The following GDF10 variants were observed in gnomAD, a reference collection of about 807,000 sequenced individuals.
GDF10 encodes growth/differentiation factor 10.
A neutral mutation model predicts 32.1 loss-of-function variants in GDF10; 23 were observed. The ratio of observed to expected loss-of-function variants is 0.72; its 90% CI spans 0.52 to 1.02. GDF10 has a LOEUF of 1.02. GDF10 is among the 50% of genes least tolerant of loss of function. The pLI is 0.00. For missense variants in GDF10, 764 were observed against 673.9 expected, an observed-to-expected ratio of 1.13 and a Z score of -1.48; for synonymous variants, 328 against 303.1, an observed-to-expected ratio of 1.08 and a Z score of -0.85.
Position 47,300,872 on chromosome 10 carries a change from T to C in GDF10, c.221T>C (p.Met74Thr), listed in dbSNP as rs781931170. The change falls in exon 1 of 3, where the codon ATG (methionine) becomes ACG (threonine). Residue 74 changes from methionine to threonine, a missense_variant. Physicochemically the swap from Met to Thr is moderately conservative, Grantham distance 81 (BLOSUM62 -1). Coordinates refer to ENST00000580279, the MANE Select transcript of GDF10 (RefSeq NM_004962.5). ...AATLGPSAQD[M>T]VAVHMHRLYE... is the part of the protein sequence containing the mutation. ...ACGTTGGGCCCCAGCGCCCAGGACA[T>C]GGTCGCTGTCCACATGCACAGGCTC... The C allele has an allele frequency of 1.0e-5, 16 of 1,588,278 alleles. No individual in the cohort carries two copies. Among genetic ancestry groups the C allele is most frequent in the East Asian group, 9.1e-5 (4 of 44,010 alleles).
In GDF10 at chr10:47,300,649, G is replaced by T; in HGVS notation, c.-3G>T. 2.5e-6 allele frequency: 4 copies of T among 1,590,644 alleles called. No homozygotes were observed. Among genetic ancestry groups the T allele is most frequent in the South Asian group, 1.1e-5 (1 of 88,558 alleles). ...TTCGGCCCTTTGCCGCCCTCACCAC[G>T]CCATGGCTCATGTCCCCGCTCGGAC... On this transcript the variant is annotated 5_prime_UTR_variant, in exon 1 of 3. Transcript: ENST00000580279.
rs1318023775 is a variant in GDF10, at chr10:47,300,539, G to GC, written c.-110dup. 1.2e-5 allele frequency: 12 copies of GC among 975,560 alleles called. No individual in the cohort carries two copies. In the Admixed American group the frequency reaches 2.4e-4, roughly 19 times the overall value. 60.4% of individuals were successfully genotyped at this position (975,560 alleles called of 1,614,324 possible). On this transcript the variant is annotated 5_prime_UTR_variant, in exon 1 of 3. Transcript: ENST00000580279. ...GGACCTCGGTATCCAGCGCCCTGCT[G>GC]CCCGGGCTCTCCCCGCGCGCCCTAC...
intron 1 of GDF10, among the ~76,000 whole-genome samples, chr10:47,304,938 T>C (rs2061017793): frequency 6.6e-6 from 1 of 152,230 alleles, no homozygotes; most frequent in Non-Finnish European, 1.5e-5. Flanking sequence ...TCACTTCTAA[T>C]AGAGAATTTG....
chr10:47,302,824 A>G (rs553093630), intron 1 of GDF10, among the ~76,000 whole-genome samples: 1 of 152,308 alleles, frequency 6.6e-6, no homozygotes, highest in East Asian at 1.9e-4. Flanking sequence ...AGCCTGGGAA[A>G]TCAGGATTCT....
At chr10:47,301,156 T>G (rs1417858592) in intron 1 of GDF10, among the ~76,000 whole-genome samples, 186 bp downstream of exon 1, 5 of 152,000 alleles carry the variant, frequency 3.3e-5, no homozygotes, top group African/African-American at 1.2e-4. Context: ...GCACCAAGAG[T>G]GGCAGCAGGT....
rs782486201 is a variant in GDF10, at chr10:47,310,432, A to G, written c.956A>G (p.His319Arg). 2.5e-6 allele frequency: 4 copies of G among 1,612,990 alleles called. No individual in the cohort carries two copies. The highest frequency in any genetic ancestry group is 1.7e-4 in the Middle Eastern group (1 of 6,060). ...RPPRAHAQHF[H>R]KHQLWPSPFR... is the part of the protein sequence containing the mutation. Reference sequence around the variant, plus strand: ...CCGCGCGCCCACGCACAGCACTTCCACAAGCACCAGCTGTGGCCCAGCCCC... The same window carrying G: ...CCGCGCGCCCACGCACAGCACTTCCGCAAGCACCAGCTGTGGCCCAGCCCC... The change falls in exon 2 of 3, where the codon CAC (histidine) becomes CGC (arginine). Residue 319 changes from histidine (H) to arginine (R), a missense_variant. His to Arg is a conservative substitution (Grantham distance 29, BLOSUM62 0). Coordinates refer to ENST00000580279, the MANE Select transcript of GDF10 (RefSeq NM_004962.5).
At chr10:47,306,961 TG>T (rs1411732616) in intron 1 of GDF10, among the ~76,000 whole-genome samples, 1 of 151,826 alleles carries the variant, frequency 6.6e-6, no homozygotes, top group Non-Finnish European at 1.5e-5. Context: ...TTTGGGGCAA[TG>T]GAGGGCTCCG....
chr10:47,304,357 G>A (rs1411753564), intron 1 of GDF10, among the ~76,000 whole-genome samples: 3 of 150,016 alleles, frequency 2.0e-5, no homozygotes, highest in Non-Finnish European at 3.0e-5. Context: ...AGGAGGGAGA[G>A]AGAGAAGAAT....
rs45441091 is a variant in GDF10 at position 47,300,775 on chromosome 10, G to A, written c.124G>A (p.Ala42Thr). The A allele has an allele frequency of 1.9e-6, 3 of 1,568,448 alleles. No homozygotes were observed. Among genetic ancestry groups the A allele is most frequent in the African/African-American group, 1.4e-5 (1 of 73,518 alleles). Reference sequence around the variant, plus strand: ...CAGCCACAGGGCCCCCGCCTGGTCCGCACTGCCCGCGGCCGCCGACGGCCT... The same window carrying A: ...CAGCCACAGGGCCCCCGCCTGGTCCACACTGCCCGCGGCCGCCGACGGCCT... ...AGSHRAPAWSALPAAADGLQG... is the reference protein window; with the variant it reads ...AGSHRAPAWSTLPAAADGLQG... Residue 42 changes from alanine (A) to threonine (T), a missense_variant, in exon 1 of 3, where the codon GCA becomes ACA. Physicochemically the swap from Ala to Thr is moderately conservative, Grantham distance 58 (BLOSUM62 0). Transcript: ENST00000580279.
chr10:47,312,299 A>C (rs1442805074), intron 2 of GDF10, among the ~76,000 whole-genome samples: 1 of 152,038 alleles, frequency 6.6e-6, no homozygotes, highest in Non-Finnish European at 1.5e-5. Flanking sequence ...GATGTGTGAC[A>C]CTCAGGCGCC....
chr10:47,310,791 T>G, intron 2 of GDF10, 70 bp downstream of exon 2: 1 of 1,045,540 alleles, frequency 9.6e-7, no homozygotes, highest in Non-Finnish European at 1.5e-6. Flanking sequence ...TTCCTCAGCC[T>G]GCAGGACTTC....
chr10:47,311,230 A>G (rs1309339368), intron 2 of GDF10, among the ~76,000 whole-genome samples: 1 of 152,204 alleles, frequency 6.6e-6, no homozygotes, highest in African/African-American at 2.4e-5. Flanking sequence ...AGGAATCCAC[A>G]GGGAATAGGC....
At position 47,300,562 on chromosome 10, in the gene GDF10, T is replaced by C. The variant is rs951970567; in HGVS notation, c.-90T>C. 1.6e-6 allele frequency: 2 copies of C among 1,252,922 alleles called. No homozygotes were observed. The highest frequency in any genetic ancestry group is 5.0e-5 in the Admixed American group (2 of 40,176). The allele number at this position is 1,252,922 out of a possible 1,614,324, so 77.6% of individuals were successfully genotyped here. On this transcript the variant is annotated 5_prime_UTR_variant, in exon 1 of 3. Transcript: ENST00000580279. The stretch of plus-strand genomic sequence containing the variant: ...CTGCCCGGGCTCTCCCCGCGCGCCC[T>C]ACTGCCGCGAGGTCAGTCCGCAGCC...
rs2060999351 is a variant in GDF10 at position 47,300,472 on chromosome 10, G to C, written c.-180G>C. The stretch of plus-strand genomic sequence containing the variant: ...CTCGGGCCGCCGGTACCCACGGACC[G>C]CGCGCCCGGGTGCCTGCTCCGCTAA... On this transcript the variant is annotated 5_prime_UTR_variant, in exon 1 of 3. Coordinates refer to ENST00000580279, the MANE Select transcript of GDF10 (RefSeq NM_004962.5). 3 of 536,858 alleles carry C rather than the reference G, an allele frequency of 5.6e-6. No homozygotes were observed. In the East Asian group the frequency reaches 1.1e-4, roughly 19 times the overall value. The allele number at this position is 536,858 out of a possible 1,614,324, so 33.3% of individuals were successfully genotyped here.
At position 47,310,041 on chromosome 10, in the gene GDF10, G is replaced by C. The variant is rs1283528979; in HGVS notation, c.565G>C (p.Gly189Arg). 6.2e-7 allele frequency: 1 copy of C among 1,605,656 alleles called. No individual in the cohort carries two copies. The highest frequency in any genetic ancestry group is 8.5e-7 in the Non-Finnish European group (1 of 1,176,258). ...QNTATQGLLR[G>R]AMALAPPPRG... is the part of the protein sequence containing the mutation. ...CACGGCCACACAGGGGCTACTCCGC[G>C]GGGCCATGGCCCTGGCGCCCCCACC... Residue 189 changes from glycine (G) to arginine (R), a missense_variant, in exon 2 of 3, where the codon GGG becomes CGG. Physicochemically the swap from Gly to Arg is moderately radical, Grantham distance 125. Transcript: ENST00000580279.
In GDF10 at chr10:47,312,854, A is replaced by G. The variant is rs527868558; in HGVS notation, c.*62A>G. ...AGCTGCCTTCTCGGAGCCTTCTGCA[A>G]CCAGGACTTGTGGTGCAGCTGCAGA... is the stretch of plus-strand genomic sequence containing the variant. On this transcript the variant is annotated 3_prime_UTR_variant, in exon 3 of 3. Transcript: ENST00000580279. The G allele has an allele frequency of 9.3e-5, 106 of 1,139,086 alleles. No homozygotes were observed. Among genetic ancestry groups the G allele is most frequent in the Admixed American group, 5.0e-4 (21 of 42,092 alleles). The allele number at this position is 1,139,086 out of a possible 1,614,324, so 70.6% of individuals were successfully genotyped here.
At chr10:47,309,362 G>A (rs1248585886) in intron 1 of GDF10, among the ~76,000 whole-genome samples, 2 of 152,324 alleles carry the variant, frequency 1.3e-5, no homozygotes, top group Middle Eastern at 3.4e-3. Context: ...TACAGGAGGG[G>A]CTGCCTTGAT....
chr10:47,307,209 G>A (rs1565747257), intron 1 of GDF10, among the ~76,000 whole-genome samples: 1 of 152,082 alleles, frequency 6.6e-6, no homozygotes. Context: ...TTAGCCTGGA[G>A]TAGGAGTTTT....
At chr10:47,311,456 G>T (rs1490277883) in intron 2 of GDF10, among the ~76,000 whole-genome samples, 3 of 152,154 alleles carry the variant, frequency 2.0e-5, no homozygotes, top group Non-Finnish European at 4.4e-5. Flanking sequence ...CTCTGCCCAG[G>T]GCAGGTCATG....
Sources: gnomAD v4.1 joint callset for allele counts (sites outside exome capture counted in the v4.1 genomes callset) on GRCh38, gnomAD v4.1.1 for gene constraint, MANE v1.5 for transcripts, NCBI Gene and HGNC (gene_info 2026-07-23, HGNC 2026-07-21) for gene names.